The following HUWE1 variants were observed in gnomAD, a reference collection of about 807,000 sequenced individuals.
The protein encoded by HUWE1 is HECT, UBA and WWE domain containing E3 ubiquitin protein ligase 1.
Under a neutral mutation model 299.4 loss-of-function variants are expected in HUWE1, and 18 were observed. The ratio of observed to expected loss-of-function variants is 0.06; its 90% CI spans 0.04 to 0.09. HUWE1 has a LOEUF of 0.09. Among genes scored for constraint, HUWE1 ranks in the 10% least tolerant of loss-of-function variants. HUWE1 has a pLI of 1.00. For missense variants in HUWE1, 1,832 were observed against 3,462.3 expected, an observed-to-expected ratio of 0.53 and a Z score of 11.82; for synonymous variants, 1,317 against 1,286.1, an observed-to-expected ratio of 1.02 and a Z score of -0.51.
At chrX:53,540,983 G>A (rs1176352038) in intron 74 of HUWE1, among the ~76,000 whole-genome samples, 2 of 111,741 alleles carry the variant, frequency 1.8e-5, no homozygotes, top group Non-Finnish European at 3.8e-5. Flanking sequence ...GTAAAAGAAG[G>A]TGAATACAGA....
chrX:53,577,652 GCGATTGCAGGC>G (rs1556960473), intron 43 of HUWE1, among the ~76,000 whole-genome samples: 1 of 112,515 alleles, frequency 8.9e-6, no homozygotes, highest in Non-Finnish European at 1.9e-5. Flanking sequence ...CCGAGTGCCT[GCGATTGCAGGC>G]GCGCGCCGCC....
chrX:53,671,243 T>C (rs1007660052), intron 3 of HUWE1, among the ~76,000 whole-genome samples: 4 of 111,679 alleles, frequency 3.6e-5, no homozygotes, highest in Non-Finnish European at 7.5e-5. Flanking sequence ...CTTACTCATG[T>C]AACCAAATAT....
intron 47 of HUWE1, among the ~76,000 whole-genome samples, chrX:53,573,143 C>A (rs1274058432): frequency 9.0e-6 from 1 of 111,636 alleles, no homozygotes; most frequent in Non-Finnish European, 1.9e-5. Context: ...TCCAGTCTTC[C>A]CTCTTCAATC....
In HUWE1 at chrX:53,614,644, C is replaced by A; in HGVS notation, c.2151G>T (p.Arg717Ser). The change falls in exon 23 of 84, where the codon AGG (arginine) becomes AGT (serine). Residue 717 changes from arginine to serine, a missense_variant. Physicochemically the swap from Arg to Ser is moderately radical, Grantham distance 110. Transcript: ENST00000262854. The stretch of plus-strand genomic sequence containing the variant: ...AGGCTTCTTCTGCGGCATGATTAGA[C>A]CTTGGGGGAGGAGCAGTGGCAGTGC... ...ADGTATAPPPRSNHAAEEASS... is the reference protein window; with the variant it reads ...ADGTATAPPPSSNHAAEEASS... 1 of 1,207,973 alleles carries A rather than the reference C, an allele frequency of 8.3e-7. No individual in the cohort carries two copies. The highest frequency in any genetic ancestry group is 1.1e-6 in the Non-Finnish European group (1 of 892,140).
rs1407529604 is a variant in HUWE1 at position 53,538,323 on chromosome X, T to G, written c.11996+14A>C. 3.6e-6 allele frequency: 4 copies of G among 1,120,231 alleles called. No individual in the cohort carries two copies. In the African/African-American group the frequency reaches 5.4e-5, roughly 15 times the overall value. 92.3% of individuals were successfully genotyped at this position (1,120,231 alleles called of 1,213,427 possible). Reference sequence around the variant, plus strand: ...CTCACCACCCCTCTACCCCCCAATATCCAGGACACATACTTGCGCTTGACA... The same window carrying G: ...CTCACCACCCCTCTACCCCCCAATAGCCAGGACACATACTTGCGCTTGACA... On this transcript the variant is annotated intron_variant, in intron 77 of 83. Transcript: ENST00000262854.
chrX:53,632,735 C>A (rs1419879839), intron 8 of HUWE1, among the ~76,000 whole-genome samples, 171 bp from the exon 9 acceptor site: 3 of 112,222 alleles, frequency 2.7e-5, no homozygotes, highest in African/African-American at 9.7e-5. Flanking sequence ...TAGAGCAGAG[C>A]TCAGATAGGA....
In HUWE1 at chrX:53,607,066, C is replaced by T. The variant is rs782668083; in HGVS notation, c.2496+457G>A. Among the ~76,000 whole-genome samples the T allele has an allele frequency of 1.1e-4, 12 of 111,158 alleles. No individual in the cohort carries two copies. In the South Asian group the frequency reaches 3.8e-3, roughly 35 times the overall value. On this transcript the variant is annotated intron_variant, in intron 25 of 83. Coordinates refer to ENST00000262854, the MANE Select transcript of HUWE1 (RefSeq NM_031407.7). ...AATTATGCTTAAAATACATGACTAT[C>T]GGGCTTGAAAAGGGGGGAATTAAGT...
chrX:53,632,920 G>A (rs2066964764), intron 8 of HUWE1, among the ~76,000 whole-genome samples: 1 of 112,734 alleles, frequency 8.9e-6, no homozygotes, highest in African/African-American at 3.2e-5. Flanking sequence ...TCCAAGAAAG[G>A]ATGGAGAACA....
intron 4 of HUWE1, among the ~76,000 whole-genome samples, chrX:53,651,149 CCACCT>C (rs1340377348): frequency 9.1e-6 from 1 of 109,340 alleles, no homozygotes; most frequent in African/African-American, 3.3e-5. Flanking sequence ...CTCCCCCACC[CCACCT>C]GAGCTTATTA....
chrX:53,585,311 T>G, intron 39 of HUWE1, 123 bp from the exon 40 acceptor site: 1 of 687,842 alleles, frequency 1.5e-6, no homozygotes. Context: ...GACAATAAAT[T>G]TTAAAAACCA....
At chrX:53,604,906 C>A in intron 25 of HUWE1, 72 bp from the exon 26 acceptor site, 1 of 1,021,300 alleles carries the variant, frequency 9.8e-7, no homozygotes, top group Non-Finnish European at 1.4e-6. Flanking sequence ...TTAATAGTCA[C>A]AATGGAAGTG....
At position 53,533,447 on chromosome X, in the gene HUWE1, A is replaced by G. The variant is rs199736049; in HGVS notation, c.13023-36T>C. On this transcript the variant is annotated intron_variant, in intron 83 of 83. Coordinates refer to ENST00000262854, the MANE Select transcript of HUWE1 (RefSeq NM_031407.7). ...AAGAAAGATCAGTTTGTGGTGAGGG[A>G]TGACAGATAACCAAATCTGTGTGTT... is the stretch of plus-strand genomic sequence containing the variant. 3.6e-5 allele frequency: 36 copies of G among 1,009,096 alleles called. No homozygotes were observed. In the East Asian group the frequency reaches 6.8e-4, roughly 19 times the overall value. 83.2% of individuals were successfully genotyped at this position (1,009,096 alleles called of 1,213,427 possible). A position where few individuals can be genotyped will look rare whatever the true frequency, so the allele number is the denominator to read the frequency against.
chrX:53,565,464 C>T (rs2147753743), intron 49 of HUWE1, among the ~76,000 whole-genome samples: 1 of 110,984 alleles, frequency 9.0e-6, no homozygotes, highest in Non-Finnish European at 1.9e-5. Context: ...TTTCATGGGG[C>T]CATGGAAAGC....
rs181096045 is a variant in HUWE1 at position 53,642,330 on chromosome X, A to G, written c.504+2981T>C. On this transcript the variant is annotated intron_variant, in intron 7 of 83. Coordinates refer to ENST00000262854, the MANE Select transcript of HUWE1 (RefSeq NM_031407.7). ...GTTTCAGAAATGGTACTGAGCAATG[A>G]AAACTGTTGCTTTTACTTTTTTATG... Among the ~76,000 whole-genome samples the G allele has an allele frequency of 1.9e-3, 217 of 112,165 alleles. 1 individual carries two copies. Among genetic ancestry groups the G allele is most frequent in the African/African-American group, 6.5e-3 (201 of 30,955 alleles).
chrX:53,613,340 T>G (rs1557004261), intron 23 of HUWE1, among the ~76,000 whole-genome samples: 2 of 111,506 alleles, frequency 1.8e-5, no homozygotes, highest in African/African-American at 6.5e-5. Flanking sequence ...TTCTAGGCCT[T>G]TGCTCCTGTT....
chrX:53,599,728 T>G (rs1356089583), intron 29 of HUWE1, among the ~76,000 whole-genome samples: 1 of 111,996 alleles, frequency 8.9e-6, no homozygotes, highest in Non-Finnish European at 1.9e-5. Flanking sequence ...AGGAAGAATA[T>G]TTCTAGATGG....
At chrX:53,551,577 C>A in intron 63 of HUWE1, 97 bp from the exon 64 acceptor site, 1 of 789,309 alleles carries the variant, frequency 1.3e-6, no homozygotes, top group Non-Finnish European at 1.9e-6. Context: ...AGTGGTGCAA[C>A]CCTTGCCTCA....
intron 28 of HUWE1, among the ~76,000 whole-genome samples, chrX:53,601,830 G>A (rs1031555531): frequency 1.8e-5 from 2 of 109,157 alleles, no homozygotes; most frequent in African/African-American, 6.7e-5. Context: ...CACCACGCCC[G>A]GCTAATTTTT....
chrX:53,624,536 G>A, intron 19 of HUWE1, 59 bp downstream of exon 19: 1 of 736,966 alleles, frequency 1.4e-6, no homozygotes, highest in South Asian at 2.1e-5. Flanking sequence ...TAAATACAGA[G>A]AGAGAGAGCT....
Sources: allele counts gnomAD v4.1 joint callset (sites outside exome capture counted in the v4.1 genomes callset), GRCh38; gene constraint gnomAD v4.1.1; transcripts MANE v1.5; gene names NCBI Gene and HGNC (gene_info 2026-07-23, HGNC 2026-07-21).